COL5A1: variants seen among roughly 807,000 people sequenced by gnomAD.
COL5A1 encodes the protein collagen type V alpha 1 chain.
In COL5A1, 16 loss-of-function variants were observed where a neutral mutation model predicts 263.7. The observed-to-expected ratio is 0.06, with a 90% CI of 0.04 to 0.09. COL5A1 has a LOEUF of 0.09. Among genes scored for constraint, COL5A1 ranks in the 10% least tolerant of loss-of-function variants. COL5A1 has a pLI of 1.00. For missense variants in COL5A1, 2,036 were observed against 2,540.5 expected (o/e 0.80, Z 4.27); for synonymous variants, 1,012 against 1,004.5 (o/e 1.01, Z -0.14).
At chr9:134,831,063 G>A (rs1267727390) in intron 64 of COL5A1, among the ~76,000 whole-genome samples, 1 of 152,180 alleles carries the variant, frequency 6.6e-6, no homozygotes, top group Non-Finnish European at 1.5e-5. Flanking sequence ...GTCCTCAAAG[G>A]AGGGCCTTGC....
Position 134,814,874 on chromosome 9 carries a change from T to C in COL5A1, c.3984T>C (p.Pro1328=). 1 of 1,550,972 alleles carries C rather than the reference T, an allele frequency of 6.4e-7. No individual in the cohort carries two copies. Among genetic ancestry groups the C allele is most frequent in the Non-Finnish European group, 8.7e-7 (1 of 1,146,982 alleles). The part of the protein sequence containing the change: ...GAAGPPGPKG[P]PGDDGPKGSP... The stretch of plus-strand genomic sequence containing the variant: ...CCGGACCCCCTGGACCCAAAGGCCC[T>C]CCCGGAGATGATGGTCCCAAAGGCA... Residue 1328 remains proline, a synonymous_variant, in exon 50 of 66, where the codon CCT becomes CCC. Transcript: ENST00000371817.
rs1832722799 is a variant in COL5A1 at position 134,677,840 on chromosome 9, C to G, written c.110-13072C>G. 6.6e-6 allele frequency among the ~76,000 whole-genome samples: 1 copy of G among 152,232 alleles called. No individual in the cohort carries two copies. Among genetic ancestry groups the G allele is most frequent in the Non-Finnish European group, 1.5e-5 (1 of 68,046 alleles). ...GAGGACTGTGAATAGGCTGCTTTCT[C>G]CACAGCTGCCTGGAACGCCCCATGG... On this transcript the variant is annotated intron_variant, in intron 1 of 65. Coordinates refer to ENST00000371817, the MANE Select transcript of COL5A1 (RefSeq NM_000093.5). This position sits in a 1 kb window ranked among gnomAD's most constrained non-coding sequence, Gnocchi z 4.4.
In COL5A1 at chr9:134,647,018, G is replaced by A. The variant is rs1479255787; in HGVS notation, c.109+4722G>A. ...ACACCTGTGAGAAGCTTTGCAGGCT[G>A]CCTGACCTGTACTCGGCACTGGCTG... On this transcript the variant is annotated intron_variant, in intron 1 of 65. Transcript: ENST00000371817. The surrounding 1 kb of genome is among the most constrained non-coding windows in gnomAD (Gnocchi z 5.0). Among the ~76,000 whole-genome samples the A allele has an allele frequency of 6.6e-6, 1 of 152,224 alleles. No homozygotes were observed. The highest frequency in any genetic ancestry group is 6.5e-5 in the Admixed American group (1 of 15,286).
intron 60 of COL5A1, 63 bp from the exon 61 acceptor site, chr9:134,823,353 A>G: frequency 6.4e-7 from 1 of 1,564,542 alleles, no homozygotes; most frequent in Non-Finnish European, 8.8e-7. Flanking sequence ...CTAGAGCTGA[A>G]GGTGGATTCA....
rs1379929337 is a variant in COL5A1 at position 134,649,093 on chromosome 9, G to A, written c.109+6797G>A. Among the ~76,000 whole-genome samples, 5 of 152,086 alleles carry A rather than the reference G, an allele frequency of 3.3e-5. No homozygotes were observed. The East Asian group carries it at 5.8e-4, about 18-fold the overall frequency. On this transcript the variant is annotated intron_variant, in intron 1 of 65. Coordinates refer to ENST00000371817, the MANE Select transcript of COL5A1 (RefSeq NM_000093.5). The stretch of plus-strand genomic sequence containing the variant: ...AGGGGTGGGTGAAGTTGGTGCGGGC[G>A]GGGTGTGGGGGGGGCTTTGCCATCT...
chr9:134,814,353 G>A (rs541791131), intron 49 of COL5A1, among the ~76,000 whole-genome samples: 1 of 152,226 alleles, frequency 6.6e-6, no homozygotes, highest in African/African-American at 2.4e-5. Context: ...GCCAGACTAG[G>A]AATATCCAGG....
chr9:134,773,599 A>G (rs4842164), intron 26 of COL5A1, among the ~76,000 whole-genome samples: 56,999 of 152,156 alleles, frequency 0.37, 11,067 homozygotes, highest in East Asian at 0.63. Context: ...CAGGCTCTGG[A>G]ATCGGGCCTG....
chr9:134,731,923 C>T lies in COL5A1; in HGVS notation c.1333-148C>T, dbSNP rs549873247. On this transcript the variant is annotated intron_variant, in intron 8 of 65. Transcript: ENST00000371817. ...GCTCCCGTGGGCCTGGCCTCTGTCA[C>T]GCTCCTGCCATCCTCCTGGGCCTGG... The T allele has an allele frequency of 1.5e-4, 151 of 990,028 alleles. 1 individual carries two copies. In the African/African-American group the frequency reaches 2.1e-3, roughly 14 times the overall value. The allele number at this position is 990,028 out of a possible 1,614,324, so 61.3% of individuals were successfully genotyped here.
At chr9:134,763,361 C>T (rs1564443542) in intron 19 of COL5A1, among the ~76,000 whole-genome samples, 1 of 152,222 alleles carries the variant, frequency 6.6e-6, no homozygotes, top group Non-Finnish European at 1.5e-5. Context: ...TCCCCTGATG[C>T]CCTGTCCTGC....
chr9:134,647,840 G>A lies in COL5A1; in HGVS notation c.109+5544G>A, dbSNP rs1428973826. Among the ~76,000 whole-genome samples the A allele has an allele frequency of 2.6e-5, 4 of 152,124 alleles. No individual in the cohort carries two copies. The highest frequency in any genetic ancestry group is 2.6e-4 in the Admixed American group (4 of 15,278). ...CTCTCTCAGTGCTTTGCCAAGTGTC[G>A]GTTTTAAAGTTTCTGGCCTGGCTGG... On this transcript the variant is annotated intron_variant, in intron 1 of 65. Transcript: ENST00000371817. This position sits in a 1 kb window ranked among gnomAD's most constrained non-coding sequence, Gnocchi z 5.0.
Position 134,819,172 on chromosome 9 carries a change from G to A in COL5A1, c.4446+119G>A, listed in dbSNP as rs149482887. 574 of 1,093,304 alleles carry A rather than the reference G, an allele frequency of 5.3e-4. 1 individual carries two copies. The African/African-American group carries it at 8.1e-3, about 15-fold the overall frequency. 67.7% of individuals were successfully genotyped at this position (1,093,304 alleles called of 1,614,324 possible). On this transcript the variant is annotated intron_variant, in intron 57 of 65. Coordinates refer to ENST00000371817, the MANE Select transcript of COL5A1 (RefSeq NM_000093.5). ...CTAAATGTGTCAAGCACCTGCTGCAGGCTGGTGGTGGGGAACCTGAGGGGT... is the reference window on the plus strand; with the variant it reads ...CTAAATGTGTCAAGCACCTGCTGCAAGCTGGTGGTGGGGAACCTGAGGGGT...
At position 134,805,912 on chromosome 9, in the gene COL5A1, G is replaced by T. The variant is rs569341840; in HGVS notation, c.3259-277G>T. On this transcript the variant is annotated intron_variant, in intron 41 of 65. Transcript: ENST00000371817. ...GTGGGCAGACCCTCAAGGGGAGGGG[G>T]TGCCAGGCTTCTAGAAGAGGGAGCC... Among the ~76,000 whole-genome samples the T allele has an allele frequency of 5.3e-5, 8 of 152,254 alleles. No individual in the cohort carries two copies. The South Asian group carries it at 1.0e-3, about 20-fold the overall frequency.
At chr9:134,800,749 CAAAAAA>C (rs397951217) in intron 37 of COL5A1, among the ~76,000 whole-genome samples, 10 of 81,618 alleles carry the variant, frequency 1.2e-4, no homozygotes, top group African/African-American at 3.2e-4. Flanking sequence ...CTGTCTCAAA[CAAAAAA>C]AAAAAAAAAA....
rs114940455 is a variant in COL5A1 at position 134,732,266 on chromosome 9, G to A, written c.1389+139G>A. ...TCACTTCGAGCAACCACCTGGTCTC[G>A]TGGAGTCCACGCACCACTTGTCCCC... is the stretch of plus-strand genomic sequence containing the variant. On this transcript the variant is annotated intron_variant, in intron 9 of 65. Coordinates refer to ENST00000371817, the MANE Select transcript of COL5A1 (RefSeq NM_000093.5). 12,959 of 832,110 alleles carry A rather than the reference G, an allele frequency of 0.016. 125 individuals carry two copies. The highest frequency in any genetic ancestry group is 0.02 in the South Asian group (1,497 of 73,364). The allele number at this position is 832,110 out of a possible 1,614,324, so 51.5% of individuals were successfully genotyped here.
At chr9:134,814,653 G>A (rs879746937) in intron 49 of COL5A1, 144 bp from the exon 50 acceptor site, 11 of 697,944 alleles carry the variant, frequency 1.6e-5, no homozygotes, top group African/African-American at 8.8e-5. Context: ...CTTGGGGAGC[G>A]ACCTGGCAGC....
rs1198024349 is a variant in COL5A1 at position 134,700,734 on chromosome 9, T to C, written c.492-437T>C. Among the ~76,000 whole-genome samples the C allele has an allele frequency of 6.6e-6, 1 of 152,220 alleles. No individual in the cohort carries two copies. The highest frequency in any genetic ancestry group is 1.5e-5 in the Non-Finnish European group (1 of 68,036). ...TTCTCTGGCTGCCTGCAGTTTGCCA[T>C]CGGGGTTCAGAGGGCACGTGACAAG... On this transcript the variant is annotated intron_variant, in intron 3 of 65. Coordinates refer to ENST00000371817, the MANE Select transcript of COL5A1 (RefSeq NM_000093.5). This position sits in a 1 kb window ranked among gnomAD's most constrained non-coding sequence, Gnocchi z 4.0.
intron 5 of COL5A1, among the ~76,000 whole-genome samples, chr9:134,728,123 C>G (rs1464048742): frequency 6.6e-6 from 1 of 152,246 alleles, no homozygotes; most frequent in East Asian, 1.9e-4. Context: ...TGTGGGACCC[C>G]GTGGCCCAGG....
At chr9:134,760,591 T>C (rs1278730570) in intron 18 of COL5A1, among the ~76,000 whole-genome samples, 2 of 51,748 alleles carry the variant, frequency 3.9e-5, no homozygotes, top group Non-Finnish European at 3.4e-5. Context: ...CTCAGACACA[T>C]GCACACACAC....
chr9:134,675,576 G>A (rs1181974380), intron 1 of COL5A1, among the ~76,000 whole-genome samples: 3 of 152,144 alleles, frequency 2.0e-5, no homozygotes, highest in Non-Finnish European at 4.4e-5. Flanking sequence ...TTCAATACCT[G>A]GTGGCTTAAT....
Sources: allele counts gnomAD v4.1 joint callset (sites outside exome capture counted in the v4.1 genomes callset), GRCh38; gene constraint gnomAD v4.1.1; non-coding constraint Gnocchi (gnomAD v3.1); transcripts MANE v1.5; gene names NCBI Gene and HGNC (gene_info 2026-07-23, HGNC 2026-07-21).